Variants in ADRA1D observed in about 807,000 individuals in gnomAD.
The protein encoded by ADRA1D is alpha-1D adrenergic receptor.
A neutral mutation model predicts 18.6 loss-of-function variants in ADRA1D; 22 were observed. That is an observed-to-expected ratio of 1.19 (90% confidence interval 0.85 to 1.69). The LOEUF (loss-of-function observed/expected upper bound fraction) is 1.69, where lower values mean the gene tolerates loss of function less well. ADRA1D is among the 40% of genes most tolerant of loss of function. ADRA1D has a pLI of 0.00. For missense variants in ADRA1D, 840 were observed against 840.7 expected, an observed-to-expected ratio of 1.00 and a Z score of 0.01; for synonymous variants, 376 against 388.2, an observed-to-expected ratio of 0.97 and a Z score of 0.37.
rs963313864 is a variant in ADRA1D, at chr20:4,221,916, G to A, written c.1326C>T (p.Thr442=). ...GGGCGCAGTCCTGGCGCAGGCCGCT[G>A]GTGGAGGCCCGCCAGTGGTGGCCGT... ...RVYGHHWRAS[T]SGLRQDCAPS... is the part of the protein sequence containing the mutation. The change falls in exon 2 of 2, where the codon ACC becomes ACT. Residue 442 remains threonine (T), a synonymous_variant. Coordinates refer to ENST00000379453, the MANE Select transcript of ADRA1D (RefSeq NM_000678.4). 2 of 1,528,686 alleles carry A rather than the reference G, an allele frequency of 1.3e-6. No individual in the cohort carries two copies. The highest frequency in any genetic ancestry group is 1.8e-6 in the Non-Finnish European group (2 of 1,139,740). The allele number at this position is 1,528,686 out of a possible 1,614,324, so 94.7% of individuals were successfully genotyped here. A position where few individuals can be genotyped will look rare whatever the true frequency, so the allele number is the denominator to read the frequency against.
At chr20:4,243,981 G>C (rs964959042) in intron 1 of ADRA1D, among the ~76,000 whole-genome samples, 2 of 152,180 alleles carry the variant, frequency 1.3e-5, no homozygotes, top group African/African-American at 4.8e-5. Context: ...CCCAGCCAGT[G>C]ACTTGGGTCC....
intron 1 of ADRA1D, among the ~76,000 whole-genome samples, chr20:4,228,168 G>T (rs1352630420): frequency 6.6e-6 from 1 of 152,026 alleles, no homozygotes; most frequent in Non-Finnish European, 1.5e-5. Context: ...CACCTTAACT[G>T]TTCTCTTTTC....
rs1278861117 is a variant in ADRA1D at position 4,248,534 on chromosome 20, C to T, written c.424G>A (p.Asp142Asn). The change falls in exon 1 of 2, where the codon GAC becomes AAC. Residue 142 changes from aspartate to asparagine, a missense_variant. Coordinates refer to ENST00000379453, the MANE Select transcript of ADRA1D (RefSeq NM_000678.4). The part of the protein sequence containing the change: ...NYFIVNLAVA[D>N]LLLSATVLPF... ...AGTACGGTGGCGCTCAGCAGCAGGT[C>T]GGCCACGGCCAGGTTCACGATGAAA... 2 of 1,613,858 alleles carry T rather than the reference C, an allele frequency of 1.2e-6. No individual in the cohort carries two copies. The highest frequency in any genetic ancestry group is 2.2e-5 in the South Asian group (2 of 91,076).
intron 1 of ADRA1D, among the ~76,000 whole-genome samples, chr20:4,227,184 A>G (rs1980819233): frequency 6.6e-6 from 1 of 152,204 alleles, no homozygotes; most frequent in African/African-American, 2.4e-5. Context: ...GCAACAGCCA[A>G]GTGGCCAGGC....
intron 1 of ADRA1D, among the ~76,000 whole-genome samples, chr20:4,233,780 G>A (rs1981025494): frequency 6.6e-6 from 1 of 152,156 alleles, no homozygotes; most frequent in Admixed American, 6.5e-5. Flanking sequence ...CATTCAACAG[G>A]AGGCTTGCAG....
At chr20:4,230,465 T>C (rs1036205530) in intron 1 of ADRA1D, among the ~76,000 whole-genome samples, 1 of 152,236 alleles carries the variant, frequency 6.6e-6, no homozygotes, top group African/African-American at 2.4e-5. Context: ...TCCCCTGCAC[T>C]TCACTGTGTT....
chr20:4,221,844 C>G lies in ADRA1D; in HGVS notation c.1398G>C (p.Ala466=). The change falls in exon 2 of 2, where the codon GCG becomes GCC. Residue 466 remains alanine (A), a synonymous_variant. Transcript: ENST00000379453. ...GGGGTTCGGGGTCGGGGTCGGGGAG[C>G]GCGGTGAGGGCCAGCGGCGCTCCGG... ...APPGAPLALT[A]LPDPDPEPPG... is the part of the protein sequence containing the mutation. 4 of 1,482,348 alleles carry G rather than the reference C, an allele frequency of 2.7e-6. No homozygotes were observed. Among genetic ancestry groups the G allele is most frequent in the Non-Finnish European group, 3.6e-6 (4 of 1,122,196 alleles). The allele number at this position is 1,482,348 out of a possible 1,614,324, so 91.8% of individuals were successfully genotyped here.
chr20:4,245,436 C>T lies in ADRA1D; in HGVS notation c.1111+2411G>A, dbSNP rs139720113. Among the ~76,000 whole-genome samples, 365 of 151,838 alleles carry T rather than the reference C, an allele frequency of 2.4e-3. 1 individual carries two copies. The highest frequency in any genetic ancestry group is 8.3e-3 in the African/African-American group (344 of 41,362). On this transcript the variant is annotated intron_variant, in intron 1 of 1. Transcript: ENST00000379453. ...TACTCCAGATTTATCTCTGGCGAGG[C>T]AGGGAGAGAAAGAGGAAGGGACAGG...
intron 1 of ADRA1D, among the ~76,000 whole-genome samples, chr20:4,240,682 T>G (rs537025784): frequency 2.1e-4 from 32 of 152,152 alleles, no homozygotes; most frequent in Non-Finnish European, 3.7e-4. Flanking sequence ...TAATCCCAGC[T>G]TCTTGGGAGG....
intron 1 of ADRA1D, among the ~76,000 whole-genome samples, chr20:4,238,527 A>G (rs1192429284): frequency 6.6e-6 from 1 of 152,144 alleles, no homozygotes; most frequent in East Asian, 1.9e-4. Context: ...AAGGCTCCTT[A>G]GAAAGGAAAA....
rs1981425616 is a variant in ADRA1D at position 4,248,818 on chromosome 20, G to A, written c.140C>T (p.Pro47Leu). 9.5e-7 allele frequency: 1 copy of A among 1,053,680 alleles called. No homozygotes were observed. Among genetic ancestry groups the A allele is most frequent in the Non-Finnish European group, 1.1e-6 (1 of 877,012 alleles). The allele number at this position is 1,053,680 out of a possible 1,614,324, so 65.3% of individuals were successfully genotyped here. ...GCCGCCGCCGCCGCCCGCGCCCCCCGGCACGCCGCCCACCGCCGGGCCCTC... is the reference window on the plus strand; with the variant it reads ...GCCGCCGCCGCCGCCCGCGCCCCCCAGCACGCCGCCCACCGCCGGGCCCTC... ...PSEGPAVGGV[P>L]GGAGGGGGVV... The change falls in exon 1 of 2, where the codon CCG becomes CTG. Residue 47 changes from proline to leucine, a missense_variant. Coordinates refer to ENST00000379453, the MANE Select transcript of ADRA1D (RefSeq NM_000678.4).
At chr20:4,245,930 GTTAC>G (rs1426945834) in intron 1 of ADRA1D, among the ~76,000 whole-genome samples, 3 of 152,146 alleles carry the variant, frequency 2.0e-5, no homozygotes, top group Non-Finnish European at 4.4e-5. Flanking sequence ...ATTTTCAAGG[GTTAC>G]TTATTCATTC....
rs1322141282 is a variant in ADRA1D, at chr20:4,239,841, A to C, written c.1111+8006T>G. 6.6e-6 allele frequency among the ~76,000 whole-genome samples: 1 copy of C among 152,218 alleles called. No individual in the cohort carries two copies. Among genetic ancestry groups the C allele is most frequent in the Non-Finnish European group, 1.5e-5 (1 of 68,040 alleles). On this transcript the variant is annotated intron_variant, in intron 1 of 1. Coordinates refer to ENST00000379453, the MANE Select transcript of ADRA1D (RefSeq NM_000678.4). This position sits in a 1 kb window ranked among gnomAD's most constrained non-coding sequence, Gnocchi z 4.9. ...CATCTTCCCTGCCTTTGCTGTACAG[A>C]TTCTATTTAACCAAACAGCTAGTGG...
intron 1 of ADRA1D, among the ~76,000 whole-genome samples, chr20:4,238,567 G>A (rs1981149322): frequency 6.6e-6 from 1 of 152,188 alleles, no homozygotes; most frequent in Admixed American, 6.5e-5. Flanking sequence ...AGCTTACAGA[G>A]GATCTGCAGG....
chr20:4,228,186 C>T (rs1980867117), intron 1 of ADRA1D, among the ~76,000 whole-genome samples: 1 of 152,184 alleles, frequency 6.6e-6, no homozygotes, highest in Non-Finnish European at 1.5e-5. Context: ...TTCCACCAAC[C>T]CCCTCATCCT....
At chr20:4,236,886 C>T (rs1981105192) in intron 1 of ADRA1D, among the ~76,000 whole-genome samples, 1 of 152,184 alleles carries the variant, frequency 6.6e-6, no homozygotes, top group Non-Finnish European at 1.5e-5. Flanking sequence ...AGAGAATTCT[C>T]CCTGAGCCTC....
chr20:4,248,022 G>A lies in ADRA1D; in HGVS notation c.936C>T (p.Ala312=). 1 of 1,554,164 alleles carries A rather than the reference G, an allele frequency of 6.4e-7. No homozygotes were observed. Among genetic ancestry groups the A allele is most frequent in the Non-Finnish European group, 8.7e-7 (1 of 1,149,824 alleles). Residue 312 remains alanine (A), a synonymous_variant, in exon 1 of 2, where the codon GCC becomes GCT. Coordinates refer to ENST00000379453, the MANE Select transcript of ADRA1D (RefSeq NM_000678.4). ...VVLRIHCRGA[A]TGADGAHGMR... ...TGCCGTGCGCCCCGTCGGCGCCCGT[G>A]GCCGCGCCGCGACAGTGGATGCGCA...
At chr20:4,227,725 T>TC (rs1980848586) in intron 1 of ADRA1D, among the ~76,000 whole-genome samples, 2 of 125,066 alleles carry the variant, frequency 1.6e-5, no homozygotes, top group Admixed American at 8.4e-5. Context: ...CTTCCTTCCT[T>TC]CCTTCCTTCC....
intron 1 of ADRA1D, among the ~76,000 whole-genome samples, chr20:4,237,385 C>T (rs1032956018): frequency 2.0e-5 from 3 of 151,636 alleles, no homozygotes; most frequent in Non-Finnish European, 2.9e-5. Context: ...AGAGTAAGAC[C>T]CTGTCTCTTT....
Sources: gnomAD v4.1 joint callset for allele counts (sites outside exome capture counted in the v4.1 genomes callset) on GRCh38, gnomAD v4.1.1 for gene constraint, Gnocchi (gnomAD v3.1) non-coding constraint, MANE v1.5 for transcripts, NCBI Gene and HGNC (gene_info 2026-07-23, HGNC 2026-07-21) for gene names.